MAD1L1: variants seen among roughly 807,000 people sequenced by gnomAD.
MAD1L1 encodes mitotic arrest deficient 1 like 1, also known as mitotic spindle assembly checkpoint protein MAD1.
Under a neutral mutation model 96.9 loss-of-function variants are expected in MAD1L1, and 95 were observed. That is an observed-to-expected ratio of 0.98 (90% confidence interval 0.83 to 1.16). The LOEUF is 1.16. MAD1L1 is among the 50% of genes most tolerant of loss of function. The probability of loss-of-function intolerance (pLI) is 0.00; values close to 1 mark genes in which losing one functional copy is unlikely to be tolerated. For missense variants in MAD1L1, 1,007 were observed against 954.4 expected (o/e 1.06, Z -0.73); for synonymous variants, 473 against 396.6 (o/e 1.19, Z -2.29).
chr7:1,887,178 A>G (rs990105738), intron 18 of MAD1L1, among the ~76,000 whole-genome samples: 2 of 152,222 alleles, frequency 1.3e-5, no homozygotes, highest in Non-Finnish European at 2.9e-5. Flanking sequence ...CAGGTGCCAC[A>G]TGGGACGCCT....
chr7:2,193,210 G>C (rs1054238913), intron 10 of MAD1L1: 1 of 152,670 alleles, frequency 6.6e-6, no homozygotes, highest in East Asian at 1.9e-4. Flanking sequence ...GAGGCTGACA[G>C]GTGCAGGCTC....
intron 14 of MAD1L1, among the ~76,000 whole-genome samples, chr7:1,987,416 A>G (rs1781201746): frequency 6.6e-6 from 1 of 152,216 alleles, no homozygotes; most frequent in South Asian, 2.1e-4. Flanking sequence ...CCGAGCTCGG[A>G]ACGGGGAGGT....
chr7:1,895,238 T>G (rs537645705), intron 18 of MAD1L1, among the ~76,000 whole-genome samples: 2 of 152,344 alleles, frequency 1.3e-5, no homozygotes, highest in East Asian at 3.9e-4. Flanking sequence ...ATGAAACCGA[T>G]GGACCAAGGT....
intron 12 of MAD1L1, among the ~76,000 whole-genome samples, chr7:2,061,062 G>C (rs1261823620): frequency 6.6e-6 from 1 of 152,262 alleles, no homozygotes; most frequent in Non-Finnish European, 1.5e-5. Flanking sequence ...GCCCAGGACG[G>C]ATACAGTGGC....
intron 10 of MAD1L1, among the ~76,000 whole-genome samples, chr7:2,205,743 G>A (rs971107538): frequency 6.6e-6 from 1 of 152,204 alleles, no homozygotes; most frequent in Admixed American, 6.5e-5. Context: ...CCTGTTGGGC[G>A]ATTACAGTCT....
chr7:2,221,159 C>T (rs1017829029), intron 5 of MAD1L1: 4 of 751,858 alleles, frequency 5.3e-6, no homozygotes, highest in Admixed American at 2.6e-5. Flanking sequence ...TGCCCCACCC[C>T]ACCGGGCACC....
chr7:2,218,084 C>G (rs773397087), intron 6 of MAD1L1, 41 bp from the exon 7 acceptor site: 8 of 1,482,726 alleles, frequency 5.4e-6, no homozygotes, highest in Non-Finnish European at 7.5e-6. Flanking sequence ...AACAGGCATG[C>G]GGCAAGGCCA....
At chr7:2,227,580 G>A (rs922802133) in intron 3 of MAD1L1, among the ~76,000 whole-genome samples, 9 of 152,320 alleles carry the variant, frequency 5.9e-5, no homozygotes, top group East Asian at 3.9e-4. Context: ...AATGCCAAGC[G>A]TGCCAAGGCC....
chr7:2,224,069 A>G (rs1187324757), intron 4 of MAD1L1, among the ~76,000 whole-genome samples: 1 of 152,040 alleles, frequency 6.6e-6, no homozygotes, highest in Non-Finnish European at 1.5e-5. Context: ...CCCCTCCCTC[A>G]ATCCAACATT....
intron 11 of MAD1L1, among the ~76,000 whole-genome samples, chr7:2,125,077 C>A (rs919281955): frequency 6.6e-6 from 1 of 152,188 alleles, no homozygotes; most frequent in Non-Finnish European, 1.5e-5. Context: ...GTCCTCACAG[C>A]GACCCCAGGA....
intron 11 of MAD1L1, among the ~76,000 whole-genome samples, chr7:2,104,968 A>G (rs1441182203): frequency 2.0e-5 from 3 of 152,214 alleles, no homozygotes; most frequent in Non-Finnish European, 4.4e-5. Context: ...ATGTTAAAAC[A>G]CGAAGGGAAC....
chr7:1,879,698 AAC>A (rs1437124855), intron 18 of MAD1L1, among the ~76,000 whole-genome samples: 11 of 152,220 alleles, frequency 7.2e-5, no homozygotes, highest in African/African-American at 2.4e-4. Context: ...ACCTGAATGG[AAC>A]ACAGAGTTCA....
chr7:1,866,202 G>C (rs966157783), intron 18 of MAD1L1, among the ~76,000 whole-genome samples: 2 of 152,134 alleles, frequency 1.3e-5, no homozygotes, highest in South Asian at 4.1e-4. Flanking sequence ...GGGAGTATAG[G>C]GCCTCAGTAC....
At chr7:1,848,279 G>A (rs1049325070) in intron 18 of MAD1L1, 2 of 164,764 alleles carry the variant, frequency 1.2e-5, no homozygotes, top group Admixed American at 1.1e-4. Context: ...TTCCTGGTGT[G>A]TGCGGCTGAC....
At chr7:1,936,564 C>A (rs984508790) in intron 17 of MAD1L1, 123 bp downstream of exon 17, 10 of 1,026,746 alleles carry the variant, frequency 9.7e-6, no homozygotes, top group Non-Finnish European at 1.3e-5. Flanking sequence ...CGGCTGCCCA[C>A]AGGGGAGGAC....
intron 11 of MAD1L1, among the ~76,000 whole-genome samples, chr7:2,099,691 C>T (rs1786678796): frequency 6.6e-6 from 1 of 152,192 alleles, no homozygotes. Context: ...AGACGTGGTT[C>T]AGAAGAGGTA....
intron 11 of MAD1L1, among the ~76,000 whole-genome samples, chr7:2,070,298 CG>C (rs1785062877): frequency 6.6e-6 from 1 of 152,010 alleles, no homozygotes; most frequent in African/African-American, 2.4e-5. Flanking sequence ...CACCTCCTCA[CG>C]GGAGGGGCTC....
chr7:2,018,777 C>T (rs913696062), intron 12 of MAD1L1, among the ~76,000 whole-genome samples: 21 of 152,168 alleles, frequency 1.4e-4, no homozygotes, highest in African/African-American at 5.1e-4. Context: ...GCCACCCACT[C>T]CCGCCCGGCC....
intron 12 of MAD1L1, among the ~76,000 whole-genome samples, chr7:2,025,774 A>C (rs554460496): frequency 6.6e-6 from 1 of 152,232 alleles, no homozygotes; most frequent in African/African-American, 2.4e-5. Context: ...TGGATTGTCT[A>C]GAAGGAAAAG....
Sources: gnomAD v4.1 joint callset for allele counts (sites outside exome capture counted in the v4.1 genomes callset) on GRCh38, gnomAD v4.1.1 for gene constraint, MANE v1.5 for transcripts, NCBI Gene and HGNC (gene_info 2026-07-23, HGNC 2026-07-21) for gene names.